ITGBL1: variants seen among roughly 807,000 people sequenced by gnomAD.
ITGBL1 encodes integrin beta-like protein 1.
A neutral mutation model predicts 68.5 loss-of-function variants in ITGBL1; 51 were observed. The observed-to-expected ratio is 0.74, with a 90% CI of 0.59 to 0.94. The LOEUF (loss-of-function observed/expected upper bound fraction) is 0.94. ITGBL1 is among the 40% of genes least tolerant of loss of function. The pLI, the probability that ITGBL1 is intolerant of heterozygous loss-of-function variation, is 0.00. For missense variants in ITGBL1, 649 were observed against 647.4 expected (o/e 1.00, Z -0.03); for synonymous variants, 209 against 227.3 (o/e 0.92, Z 0.72).
chr13:101,558,766 C>G (rs1039612327), intron 2 of ITGBL1, among the ~76,000 whole-genome samples: 2 of 152,124 alleles, frequency 1.3e-5, no homozygotes, highest in East Asian at 1.9e-4. Flanking sequence ...TTTTAATTTA[C>G]CAGACAAAAA....
At chr13:101,664,069 A>G (rs1354702805) in intron 7 of ITGBL1, among the ~76,000 whole-genome samples, 1 of 152,202 alleles carries the variant, frequency 6.6e-6, no homozygotes, top group African/African-American at 2.4e-5. Context: ...CACATGAACA[A>G]TGAAATGGTA....
intron 2 of ITGBL1, among the ~76,000 whole-genome samples, chr13:101,552,422 C>T (rs1186671604): frequency 2.6e-5 from 4 of 152,086 alleles, no homozygotes; most frequent in African/African-American, 4.8e-5. Context: ...AGCTACTTCA[C>T]GAGTTATGAA....
intron 2 of ITGBL1, among the ~76,000 whole-genome samples, chr13:101,550,813 T>A (rs1263230842): frequency 6.6e-6 from 1 of 152,200 alleles, no homozygotes; most frequent in Admixed American, 6.6e-5. Context: ...TCCTTTCTAT[T>A]TTCTCTGATG....
chr13:101,655,996 A>G (rs939994585), intron 7 of ITGBL1, among the ~76,000 whole-genome samples: 2 of 152,154 alleles, frequency 1.3e-5, no homozygotes, highest in Non-Finnish European at 2.9e-5. Context: ...ACATCAATCA[A>G]ATACATTTAA....
intron 8 of ITGBL1, among the ~76,000 whole-genome samples, chr13:101,698,219 T>C (rs2034047173): frequency 6.6e-6 from 1 of 152,170 alleles, no homozygotes; most frequent in Non-Finnish European, 1.5e-5. Flanking sequence ...TAAAATATGG[T>C]ACTTGACTCC....
intron 2 of ITGBL1, among the ~76,000 whole-genome samples, chr13:101,513,046 A>C (rs376614169): frequency 8.2e-4 from 125 of 152,200 alleles, no homozygotes; most frequent in African/African-American, 2.9e-3. Flanking sequence ...TGCAAGAACT[A>C]TGGGTCCACC....
At chr13:101,714,731 A>G in intron 10 of ITGBL1, 180 bp downstream of exon 10, 1 of 582,534 alleles carries the variant, frequency 1.7e-6, no homozygotes. Flanking sequence ...CATTATTCCT[A>G]GGCATAGAAG....
At chr13:101,512,515 T>C (rs2049132050) in intron 2 of ITGBL1, among the ~76,000 whole-genome samples, 1 of 152,142 alleles carries the variant, frequency 6.6e-6, no homozygotes, top group African/African-American at 2.4e-5. Context: ...TAACCTTGAG[T>C]GGACATGAAG....
chr13:101,628,630 C>CA (rs2031873909), intron 7 of ITGBL1, among the ~76,000 whole-genome samples: 1 of 148,932 alleles, frequency 6.7e-6, no homozygotes, highest in South Asian at 2.1e-4. Flanking sequence ...TTAGTAGAGA[C>CA]TGTGTTTCAC....
At chr13:101,458,950 T>G (rs1224060717) in intron 2 of ITGBL1, among the ~76,000 whole-genome samples, 1 of 152,140 alleles carries the variant, frequency 6.6e-6, no homozygotes, top group Non-Finnish European at 1.5e-5. Context: ...TATTATTTTT[T>G]TAAAGGCCAT....
chr13:101,638,912 G>A (rs1254776961), intron 7 of ITGBL1, among the ~76,000 whole-genome samples: 1 of 152,058 alleles, frequency 6.6e-6, no homozygotes, highest in Non-Finnish European at 1.5e-5. Flanking sequence ...TTTTAATCGT[G>A]AACAGTCATA....
chr13:101,564,627 A>ATG (rs2050153261), intron 2 of ITGBL1, among the ~76,000 whole-genome samples: 1 of 149,166 alleles, frequency 6.7e-6, no homozygotes. Flanking sequence ...GTTGATATAT[A>ATG]TATATGTTTT....
chr13:101,457,048 A>C (rs948597763), intron 2 of ITGBL1, among the ~76,000 whole-genome samples: 3 of 152,228 alleles, frequency 2.0e-5, no homozygotes, highest in Admixed American at 6.5e-5. Context: ...AAATGGGAAT[A>C]ACAGTACCTA....
chr13:101,616,155 G>C (rs1294233718), intron 7 of ITGBL1, among the ~76,000 whole-genome samples: 1 of 152,180 alleles, frequency 6.6e-6, no homozygotes, highest in Non-Finnish European at 1.5e-5. Flanking sequence ...CTCTCTACCA[G>C]CAAAATTAAG....
chr13:101,504,103 G>A (rs2048987325), intron 2 of ITGBL1, among the ~76,000 whole-genome samples: 1 of 152,082 alleles, frequency 6.6e-6, no homozygotes, highest in South Asian at 2.1e-4. Context: ...ACATATTTTT[G>A]CTAAATGTTG....
intron 7 of ITGBL1, among the ~76,000 whole-genome samples, chr13:101,656,359 C>CA (rs1439434274): frequency 3.9e-5 from 6 of 152,110 alleles, no homozygotes; most frequent in African/African-American, 1.2e-4. Flanking sequence ...GTTTTCCCCC[C>CA]ACAAAGGACA....
chr13:101,575,933 T>C (rs892407043), intron 4 of ITGBL1, among the ~76,000 whole-genome samples: 4 of 152,140 alleles, frequency 2.6e-5, no homozygotes, highest in African/African-American at 7.2e-5. Context: ...TCATGTCCTA[T>C]CAGGGACAAT....
At chr13:101,605,395 T>C (rs964994243) in intron 7 of ITGBL1, among the ~76,000 whole-genome samples, 1 of 79,108 alleles carries the variant, frequency 1.3e-5, no homozygotes, top group African/African-American at 6.8e-5. Context: ...TATGGGCATG[T>C]ATGTGTGTAT....
chr13:101,598,152 G>C lies in ITGBL1; in HGVS notation c.869-1G>C. On this transcript the variant is annotated splice_acceptor_variant, in intron 6 of 10. Coordinates refer to ENST00000376180, the MANE Select transcript of ITGBL1 (RefSeq NM_004791.3). LOFTEE classifies it high-confidence loss of function. ...TATTTTTTGCCACTCTCACTGTGAA[G>C]GTCATGGACAGTGTAATTGCGGAAG... 6.2e-7 allele frequency: 1 copy of C among 1,605,148 alleles called. No homozygotes were observed. Among genetic ancestry groups the C allele is most frequent in the Non-Finnish European group, 8.5e-7 (1 of 1,177,438 alleles).
Sources: gnomAD v4.1 joint callset for allele counts (sites outside exome capture counted in the v4.1 genomes callset) on GRCh38, gnomAD v4.1.1 for gene constraint, MANE v1.5 for transcripts, NCBI Gene and HGNC (gene_info 2026-07-23, HGNC 2026-07-21) for gene names.